The following MYOCOS variants were observed in gnomAD, a reference collection of about 807,000 sequenced individuals.
MYOCOS encodes myocilin opposite strand, also known as myocilin opposite strand protein.
chr1:171,609,821 C>T (rs1394022020), intron 1 of MYOCOS, among the ~76,000 whole-genome samples: 2 of 152,168 alleles, frequency 1.3e-5, no homozygotes, highest in Admixed American at 6.5e-5. Flanking sequence ...TGTTATTGCA[C>T]AGTTCCTATG....
intron 1 of MYOCOS, among the ~76,000 whole-genome samples, chr1:171,611,312 G>C (rs1652347987): frequency 6.6e-6 from 1 of 152,090 alleles, no homozygotes; most frequent in Non-Finnish European, 1.5e-5. Context: ...TGGGGGTCTG[G>C]GCTACCTGCT....
intron 1 of MYOCOS, among the ~76,000 whole-genome samples, chr1:171,623,293 C>T (rs1207126685): frequency 1.3e-5 from 2 of 152,198 alleles, no homozygotes; most frequent in Non-Finnish European, 2.9e-5. Flanking sequence ...AAAATCAACC[C>T]TCCAGTCTCT....
chr1:171,625,937 T>A lies in MYOCOS; in HGVS notation c.96-517T>A, dbSNP rs557954166. ...GGTCCATGGCACCAACGGGGACAGC[T>A]GAGCTCACTCTGAGGAGAGCTGACT... is the stretch of plus-strand genomic sequence containing the variant. On this transcript the variant is annotated intron_variant, in intron 2 of 2. Coordinates refer to ENST00000637642, the MANE Select transcript of MYOCOS (RefSeq NM_001391940.1). 5.3e-5 allele frequency among the ~76,000 whole-genome samples: 8 copies of A among 152,308 alleles called. No individual in the cohort carries two copies. In the East Asian group the frequency reaches 1.2e-3, roughly 22 times the overall value.
intron 1 of MYOCOS, among the ~76,000 whole-genome samples, chr1:171,605,786 G>A (rs572305075): frequency 3.3e-5 from 5 of 151,640 alleles, no homozygotes; most frequent in East Asian, 1.9e-4. Context: ...TAAGGATATC[G>A]AACCCCCATC....
intron 1 of MYOCOS, among the ~76,000 whole-genome samples, chr1:171,607,029 G>T (rs889817693): frequency 3.3e-5 from 5 of 149,878 alleles, no homozygotes; most frequent in African/African-American, 1.2e-4. Context: ...GGGAGGCAGA[G>T]GTTGCACTGA....
At chr1:171,601,519 C>T (rs183327281) in intron 1 of MYOCOS, among the ~76,000 whole-genome samples, 9 of 151,834 alleles carry the variant, frequency 5.9e-5, no homozygotes, top group Non-Finnish European at 1.2e-4. Flanking sequence ...CAAAGTAAGC[C>T]CACCCCACTG....
chr1:171,613,386 A>G (rs1295923777), intron 1 of MYOCOS, among the ~76,000 whole-genome samples: 5 of 152,214 alleles, frequency 3.3e-5, no homozygotes, highest in Non-Finnish European at 7.3e-5. Context: ...CTAGTCTCCA[A>G]CAGAGAGGAC....
chr1:171,603,994 G>A (rs779803414), intron 1 of MYOCOS: 14 of 152,052 alleles, frequency 9.2e-5, no homozygotes, highest in Admixed American at 2.0e-4. Context: ...GAAAATCCCC[G>A]CATAACCACT....
At chr1:171,617,152 G>A (rs753433903) in intron 2 of MYOCOS, among the ~76,000 whole-genome samples, 6 of 152,128 alleles carry the variant, frequency 3.9e-5, no homozygotes, top group Non-Finnish European at 8.8e-5. Context: ...AGGGCAGACA[G>A]TGTGAGAAAG....
At chr1:171,612,643 C>T (rs540458839) in intron 1 of MYOCOS, among the ~76,000 whole-genome samples, 39 of 151,750 alleles carry the variant, frequency 2.6e-4, no homozygotes, top group African/African-American at 8.9e-4. Flanking sequence ...CTGACCAACA[C>T]GGTGAAACAC....
chr1:171,620,316 C>G (rs144525496), upstream of MYOCOS, among the ~76,000 whole-genome samples: 1 of 151,970 alleles, frequency 6.6e-6, no homozygotes, highest in South Asian at 2.1e-4. Flanking sequence ...GACTTACTCT[C>G]CAACCTGACT....
intron 1 of MYOCOS, among the ~76,000 whole-genome samples, chr1:171,605,864 C>A (rs1652235170): frequency 6.6e-6 from 1 of 152,132 alleles, no homozygotes; most frequent in African/African-American, 2.4e-5. Flanking sequence ...ACCGGTCAAG[C>A]CTTGACTGTT....
chr1:171,616,968 G>C (rs1652460713), intron 2 of MYOCOS, among the ~76,000 whole-genome samples: 1 of 152,132 alleles, frequency 6.6e-6, no homozygotes, highest in Admixed American at 6.5e-5. Context: ...AGGCATGCTG[G>C]CACCTAGAGA....
intron 1 of MYOCOS, among the ~76,000 whole-genome samples, chr1:171,613,136 T>C (rs982112174): frequency 5.3e-5 from 8 of 152,228 alleles, no homozygotes; most frequent in African/African-American, 1.9e-4. Flanking sequence ...GTATGGTTCC[T>C]TGACTAAATG....
chr1:171,613,217 C>T (rs1652384956), intron 1 of MYOCOS, among the ~76,000 whole-genome samples: 1 of 152,152 alleles, frequency 6.6e-6, no homozygotes, highest in Non-Finnish European at 1.5e-5. Context: ...CTCCTGAGGA[C>T]CCGATTTATC....
intron 2 of MYOCOS, 28 bp from the exon 3 acceptor site, chr1:171,626,426 A>C: frequency 2.5e-6 from 1 of 398,474 alleles, no homozygotes; most frequent in Admixed American, 4.4e-5. Flanking sequence ...CTTTATTCAA[A>C]TGGCATTCAA....
upstream of MYOCOS, among the ~76,000 whole-genome samples, chr1:171,618,691 T>A (rs574889959): frequency 4.6e-5 from 7 of 152,332 alleles, no homozygotes; most frequent in Admixed American, 4.6e-4. Context: ...TTCTCCTGTC[T>A]CTGCCTCCCG....
At chr1:171,611,174 C>T (rs1239570014) in intron 1 of MYOCOS, among the ~76,000 whole-genome samples, 2 of 152,224 alleles carry the variant, frequency 1.3e-5, no homozygotes, top group East Asian at 3.8e-4. Context: ...TTGCACTTAC[C>T]TACTGAATTG....
intron 1 of MYOCOS, among the ~76,000 whole-genome samples, chr1:171,612,999 T>G (rs1652382779): frequency 6.6e-6 from 1 of 152,188 alleles, no homozygotes; most frequent in African/African-American, 2.4e-5. Context: ...CTCACTCTAT[T>G]TATTTCTAGC....
Sources: allele counts gnomAD v4.1 joint callset (sites outside exome capture counted in the v4.1 genomes callset), GRCh38; gene constraint gnomAD v4.1.1; transcripts MANE v1.5; gene names NCBI Gene and HGNC (gene_info 2026-07-23, HGNC 2026-07-21).